Variants in CACNA2D3 observed in about 807,000 individuals in gnomAD.
CACNA2D3 encodes the protein calcium voltage-gated channel auxiliary subunit alpha2delta 3.
Under a neutral mutation model 160.6 loss-of-function variants are expected in CACNA2D3, and 60 were observed. That is an observed-to-expected ratio of 0.37 (90% CI 0.30 to 0.46). The LOEUF is 0.46. CACNA2D3 is among the 20% of genes least tolerant of loss of function. The pLI, the probability that CACNA2D3 is intolerant of heterozygous loss-of-function variation, is 1.00. For synonymous variants in CACNA2D3, 558 were observed against 492.9 expected, an observed-to-expected ratio of 1.13 and a Z score of -1.75; for missense variants, 1,205 against 1,365.0, an observed-to-expected ratio of 0.88 and a Z score of 1.85.
At chr3:54,462,537 C>A (rs966550879) in intron 4 of CACNA2D3, among the ~76,000 whole-genome samples, 4 of 152,142 alleles carry the variant, frequency 2.6e-5, no homozygotes, top group African/African-American at 9.7e-5. Context: ...CAATGGCCTT[C>A]TTTGTCTCTT....
chr3:54,140,401 A>G (rs1029322583), intron 2 of CACNA2D3, among the ~76,000 whole-genome samples: 2 of 152,210 alleles, frequency 1.3e-5, no homozygotes, highest in African/African-American at 4.8e-5. Flanking sequence ...TCTGAAGACC[A>G]CTGCTCTCCC....
chr3:54,677,538 T>G (rs1443660233), intron 11 of CACNA2D3, among the ~76,000 whole-genome samples: 7 of 151,424 alleles, frequency 4.6e-5, no homozygotes, highest in African/African-American at 1.7e-4. Flanking sequence ...TGATTATGGA[T>G]ATATAGAGTG....
intron 5 of CACNA2D3, among the ~76,000 whole-genome samples, chr3:54,550,748 T>C (rs1262046484): frequency 1.3e-5 from 2 of 152,132 alleles, no homozygotes; most frequent in Non-Finnish European, 2.9e-5. Context: ...CGTGGTATAG[T>C]GATTCTGCAG....
intron 14 of CACNA2D3, among the ~76,000 whole-genome samples, chr3:54,817,566 T>C (rs956986216): frequency 1.3e-5 from 2 of 152,250 alleles, no homozygotes; most frequent in Admixed American, 1.3e-4. Context: ...GCATTGTTCT[T>C]GTGTGTTTCA....
intron 2 of CACNA2D3, among the ~76,000 whole-genome samples, chr3:54,137,071 A>C (rs1699826776): frequency 6.6e-6 from 1 of 152,108 alleles, no homozygotes; most frequent in Non-Finnish European, 1.5e-5. Flanking sequence ...TTTTTTTACA[A>C]ATCCGTGTGC....
chr3:54,596,487 C>T (rs370861080), intron 9 of CACNA2D3, among the ~76,000 whole-genome samples: 2 of 152,130 alleles, frequency 1.3e-5, no homozygotes, highest in East Asian at 1.9e-4. Context: ...GGGTTAGTCT[C>T]CATATGTATG....
chr3:54,305,025 G>C (rs1199859293), intron 2 of CACNA2D3, among the ~76,000 whole-genome samples: 1 of 152,038 alleles, frequency 6.6e-6, no homozygotes, highest in Non-Finnish European at 1.5e-5. Flanking sequence ...CAGTTGCATA[G>C]ACATTGATTA....
chr3:54,478,712 G>A (rs117785877), intron 4 of CACNA2D3, among the ~76,000 whole-genome samples: 2,536 of 19,992 alleles, frequency 0.13, 87 homozygotes, highest in East Asian at 0.41. Context: ...GATGAATCTC[G>A]CATCTTCAAT....
intron 5 of CACNA2D3, among the ~76,000 whole-genome samples, chr3:54,549,213 G>A (rs369017866): frequency 2.6e-4 from 39 of 152,282 alleles, no homozygotes; most frequent in African/African-American, 7.0e-4. Flanking sequence ...TTGGGAGACC[G>A]AGGCGGGCGG....
intron 5 of CACNA2D3, among the ~76,000 whole-genome samples, chr3:54,542,228 AT>A (rs1401515120): frequency 6.6e-6 from 1 of 151,700 alleles, no homozygotes; most frequent in East Asian, 1.9e-4. Flanking sequence ...CGCCCAGCTC[AT>A]TTTTATATTT....
intron 3 of CACNA2D3, among the ~76,000 whole-genome samples, chr3:54,370,578 C>T (rs969607878): frequency 1.3e-5 from 2 of 152,192 alleles, no homozygotes; most frequent in African/African-American, 4.8e-5. Flanking sequence ...CACAGTGGCA[C>T]ATTCTGTGGA....
intron 27 of CACNA2D3, among the ~76,000 whole-genome samples, chr3:54,923,727 G>C (rs1006317025): frequency 1.9e-4 from 29 of 152,196 alleles, no homozygotes; most frequent in African/African-American, 6.7e-4. Context: ...AAAGAATGTC[G>C]GGTCAAGACC....
At position 54,562,855 on chromosome 3, in the gene CACNA2D3, A is replaced by G. The variant is rs755724775; in HGVS notation, c.600A>G (p.Val200=). The G allele has an allele frequency of 9.3e-6, 15 of 1,612,040 alleles. No homozygotes were observed. The South Asian group carries it at 1.2e-4, about 13-fold the overall frequency. The change falls in exon 6 of 38, where the codon GTA becomes GTG. Residue 200 remains valine, a synonymous_variant. Transcript: ENST00000474759. The part of the protein sequence containing the change: ...YWSESLNKVF[V]DNFDRDPSLI... Reference sequence around the variant, plus strand: ...CTGAATCTCTAAACAAAGTTTTTGTAGATAACTTTGACCGTGACCCATCTC... The same window carrying G: ...CTGAATCTCTAAACAAAGTTTTTGTGGATAACTTTGACCGTGACCCATCTC...
chr3:54,520,356 A>G (rs1701627101), intron 5 of CACNA2D3, among the ~76,000 whole-genome samples: 1 of 152,218 alleles, frequency 6.6e-6, no homozygotes, highest in Admixed American at 6.5e-5. Context: ...TGAGAAGCAG[A>G]TGAAGCTGGG....
chr3:54,573,301 G>C (rs1408587085), intron 8 of CACNA2D3, among the ~76,000 whole-genome samples: 1 of 152,068 alleles, frequency 6.6e-6, no homozygotes, highest in African/African-American at 2.4e-5. Context: ...ATATTAGAAG[G>C]CCAAGGTCAT....
intron 11 of CACNA2D3, among the ~76,000 whole-genome samples, chr3:54,737,130 A>G (rs1295657085): frequency 6.6e-6 from 1 of 152,134 alleles, no homozygotes; most frequent in African/African-American, 2.4e-5. Context: ...TGGGAAAACA[A>G]CAGTGAACAA....
At chr3:54,489,814 G>A (rs916351898) in intron 4 of CACNA2D3, among the ~76,000 whole-genome samples, 12 of 152,216 alleles carry the variant, frequency 7.9e-5, no homozygotes, top group Non-Finnish European at 1.6e-4. Flanking sequence ...ATGGCTGGAA[G>A]AGGGCTATTC....
At chr3:54,617,389 C>T (rs1220616240) in intron 9 of CACNA2D3, among the ~76,000 whole-genome samples, 3 of 152,286 alleles carry the variant, frequency 2.0e-5, no homozygotes, top group African/African-American at 4.8e-5. Context: ...TTCCCCATTT[C>T]TCCCCACCAC....
chr3:54,471,138 A>G (rs1700724728), intron 4 of CACNA2D3, among the ~76,000 whole-genome samples: 1 of 152,222 alleles, frequency 6.6e-6, no homozygotes, highest in Non-Finnish European at 1.5e-5. Flanking sequence ...CACTTATTCT[A>G]AAATTGACTA....
Sources: allele counts gnomAD v4.1 joint callset (sites outside exome capture counted in the v4.1 genomes callset), GRCh38; gene constraint gnomAD v4.1.1; transcripts MANE v1.5; gene names NCBI Gene and HGNC (gene_info 2026-07-23, HGNC 2026-07-21).